Variants in NUP205 observed in about 807,000 individuals in gnomAD.
NUP205 encodes the protein nuclear pore complex protein Nup205.
Under a neutral mutation model 253.8 loss-of-function variants are expected in NUP205, and 76 were observed. That is an observed-to-expected ratio of 0.30 (90% CI 0.25 to 0.36). The LOEUF (loss-of-function observed/expected upper bound fraction) is 0.36. Among genes scored for constraint, NUP205 ranks in the 10% least tolerant of loss-of-function variants. The pLI is 1.00. For missense variants in NUP205, 2,162 were observed against 2,425.5 expected (o/e 0.89, Z 2.28); for synonymous variants, 832 against 850.1 (o/e 0.98, Z 0.37).
chr7:135,635,519 C>T (rs952930920), intron 35 of NUP205, 62 bp from the exon 36 acceptor site: 8 of 913,116 alleles, frequency 8.8e-6, no homozygotes, highest in Non-Finnish European at 1.4e-5. Flanking sequence ...AACCTCTCTT[C>T]CTAGTTTTTA....
intron 1 of NUP205, among the ~76,000 whole-genome samples, chr7:135,570,050 TATAG>T (rs60968726): frequency 0.057 from 5,055 of 88,292 alleles, 49 homozygotes; most frequent in Middle Eastern, 0.094. Flanking sequence ...TATATATATA[TATAG>T]AGAGAGAGAG....
At chr7:135,637,356 G>A (rs944523291) in intron 36 of NUP205, among the ~76,000 whole-genome samples, 3 of 152,200 alleles carry the variant, frequency 2.0e-5, no homozygotes, top group Admixed American at 6.5e-5. Flanking sequence ...ATATTGAAAA[G>A]CTTGTCCTTT....
intron 7 of NUP205, among the ~76,000 whole-genome samples, chr7:135,582,292 A>G (rs1046988274): frequency 2.0e-5 from 3 of 152,228 alleles, no homozygotes; most frequent in African/African-American, 7.2e-5. Context: ...TTCAAAAAAA[A>G]TAAAAGACGT....
intron 36 of NUP205, 60 bp downstream of exon 36, chr7:135,635,717 C>T: frequency 1.0e-6 from 1 of 990,690 alleles, no homozygotes; most frequent in Non-Finnish European, 1.5e-6. Context: ...ATATACCATC[C>T]TCCCCATTGT....
At chr7:135,561,833 C>G (rs1295462073) in intron 1 of NUP205, among the ~76,000 whole-genome samples, 1 of 152,186 alleles carries the variant, frequency 6.6e-6, no homozygotes, top group African/African-American at 2.4e-5. Context: ...CACTTACTGT[C>G]CTCTTCCTAG....
intron 23 of NUP205, among the ~76,000 whole-genome samples, chr7:135,615,188 T>C (rs1051067328): frequency 6.6e-6 from 1 of 152,204 alleles, no homozygotes; most frequent in African/African-American, 2.4e-5. Context: ...AGTATTGTTA[T>C]ATGGTTAATT....
intron 42 of NUP205, among the ~76,000 whole-genome samples, chr7:135,647,295 T>A (rs1036607753): frequency 6.6e-6 from 1 of 152,230 alleles, no homozygotes; most frequent in Admixed American, 6.5e-5. Flanking sequence ...TTTGCTATTT[T>A]TCTTAAAACA....
rs776561811 is a variant in NUP205 at position 135,644,962 on chromosome 7, G to C, written c.5627G>C (p.Arg1876Thr). Residue 1876 changes from arginine (R) to threonine (T), a missense_variant, in exon 40 of 43, where the codon AGA (arginine) becomes ACA (threonine). Arg to Thr is a moderately conservative substitution (Grantham distance 71). Coordinates refer to ENST00000285968, the MANE Select transcript of NUP205 (RefSeq NM_015135.3). Reference sequence around the variant, plus strand: ...ACTGCTCAGAAATATGTTCTAGCAAGACGGCGCTTGGTGAAGGTGATCAAC... The same window carrying C: ...ACTGCTCAGAAATATGTTCTAGCAACACGGCGCTTGGTGAAGGTGATCAAC... ...ISTAQKYVLA[R>T]RRLVKVINNR... 1 of 1,614,146 alleles carries C rather than the reference G, an allele frequency of 6.2e-7. No homozygotes were observed. The highest frequency in any genetic ancestry group is 1.1e-5 in the South Asian group (1 of 91,086).
At chr7:135,559,844 A>G (rs1003360397) in intron 1 of NUP205, among the ~76,000 whole-genome samples, 1 of 151,256 alleles carries the variant, frequency 6.6e-6, no homozygotes, top group Non-Finnish European at 1.5e-5. Flanking sequence ...GGCGCCCGCC[A>G]CCATGCTTGG....
At chr7:135,583,233 T>C (rs975992702) in intron 7 of NUP205, among the ~76,000 whole-genome samples, 1 of 152,210 alleles carries the variant, frequency 6.6e-6, no homozygotes, top group African/African-American at 2.4e-5. Context: ...ATGTATTTGG[T>C]TTGTATGACA....
Position 135,601,413 on chromosome 7 carries a change from G to A in NUP205, c.2418G>A (p.Met806Ile), listed in dbSNP as rs1186182182. Residue 806 changes from methionine to isoleucine, a missense_variant, in exon 17 of 43, where the codon ATG (methionine) becomes ATA (isoleucine). Around this residue, in one of 5 missense-constraint regions of NUP205, gnomAD observed 892 missense variants for 957.1 expected, o/e 0.93. Transcript: ENST00000285968. Reference sequence around the variant, plus strand: ...ATAAGCCACCTGGATTTAGTCTGATGTATCATCTGCTGAATGAGTCACCAA... The same window carrying A: ...ATAAGCCACCTGGATTTAGTCTGATATATCATCTGCTGAATGAGTCACCAA... Reference protein sequence around the residue: ...IAYKPPGFSLMYHLLNESPML... With the variant: ...IAYKPPGFSLIYHLLNESPML... 2.5e-6 allele frequency: 4 copies of A among 1,613,660 alleles called. No individual in the cohort carries two copies. Among genetic ancestry groups the A allele is most frequent in the Non-Finnish European group, 3.4e-6 (4 of 1,179,768 alleles).
intron 33 of NUP205, among the ~76,000 whole-genome samples, chr7:135,627,036 C>T (rs181947856): frequency 6.6e-6 from 1 of 152,068 alleles, no homozygotes; most frequent in Non-Finnish European, 1.5e-5. Context: ...TTTAGTATTG[C>T]GGTCTAAAGT....
At chr7:135,585,211 T>A (rs1382212045) in intron 8 of NUP205, among the ~76,000 whole-genome samples, 1 of 152,134 alleles carries the variant, frequency 6.6e-6, no homozygotes, top group Non-Finnish European at 1.5e-5. Context: ...GAACATACCT[T>A]GTAGAATTTC....
intron 25 of NUP205, 103 bp downstream of exon 25, chr7:135,616,829 G>C: frequency 2.8e-6 from 2 of 710,194 alleles, no homozygotes; most frequent in Non-Finnish European, 4.3e-6. Context: ...CTCTGAACTG[G>C]TATAGAAAAG....
chr7:135,571,035 A>T lies in NUP205; in HGVS notation c.29-70A>T, dbSNP rs1302036518. 2.4e-6 allele frequency: 3 copies of T among 1,241,170 alleles called. No individual in the cohort carries two copies. In the East Asian group the frequency reaches 8.5e-5, roughly 35 times the overall value. The allele number at this position is 1,241,170 out of a possible 1,614,324, so 76.9% of individuals were successfully genotyped here. The stretch of plus-strand genomic sequence containing the variant: ...CTGTGGGTGTAACTAAAATGTGTGG[A>T]TGGTAACCTCACATTATTTTTCAAG... On this transcript the variant is annotated intron_variant, in intron 1 of 42. Transcript: ENST00000285968.
chr7:135,583,143 C>G (rs1308053213), intron 7 of NUP205, among the ~76,000 whole-genome samples: 4 of 152,026 alleles, frequency 2.6e-5, no homozygotes, highest in Non-Finnish European at 4.4e-5. Context: ...CATATGTTTT[C>G]CTCTGTTTGA....
intron 38 of NUP205, among the ~76,000 whole-genome samples, chr7:135,639,632 G>A (rs1283679909): frequency 1.3e-5 from 2 of 151,408 alleles, no homozygotes; most frequent in Non-Finnish European, 1.5e-5. Context: ...CGGAGGTTGC[G>A]GTGAGCTGAG....
chr7:135,625,542 G>A (rs1794572300), intron 32 of NUP205, among the ~76,000 whole-genome samples, 187 bp downstream of exon 32: 1 of 152,092 alleles, frequency 6.6e-6, no homozygotes, highest in Non-Finnish European at 1.5e-5. Context: ...ATCCTCAAAG[G>A]GATAGCTGGA....
intron 1 of NUP205, 150 bp downstream of exon 1, chr7:135,558,122 C>T: frequency 1.4e-6 from 1 of 707,430 alleles, no homozygotes; most frequent in Non-Finnish European, 2.6e-6. Context: ...CCCACCCCTC[C>T]CCAGTTTGAA....
Sources: gnomAD v4.1 joint callset for allele counts (sites outside exome capture counted in the v4.1 genomes callset) on GRCh38, gnomAD v4.1.1 for gene constraint, gnomAD v4.1.1 regional missense constraint, MANE v1.5 for transcripts, NCBI Gene and HGNC (gene_info 2026-07-23, HGNC 2026-07-21) for gene names.